SNAPC3: variants seen among roughly 807,000 people sequenced by gnomAD.
SNAPC3 encodes the protein small nuclear RNA activating complex polypeptide 3, also known as snRNA-activating protein complex subunit 3.
A neutral mutation model predicts 47.7 loss-of-function variants in SNAPC3; 56 were observed. That is an observed-to-expected ratio of 1.18 (90% confidence interval 0.95 to 1.47). SNAPC3 has a LOEUF of 1.47. Ranked by LOEUF, SNAPC3 falls within the 40% of genes most tolerant of loss-of-function variation. The probability of loss-of-function intolerance (pLI) is 0.00; values close to 1 mark genes in which losing one functional copy is unlikely to be tolerated. For synonymous variants in SNAPC3, 235 were observed against 189.9 expected, an observed-to-expected ratio of 1.24 and a Z score of -1.95; for missense variants, 665 against 511.3, an observed-to-expected ratio of 1.30 and a Z score of -2.90.
At position 15,457,935 on chromosome 9, in the gene SNAPC3, A is replaced by C. The variant is rs188242190; in HGVS notation, c.981-25A>C. ...GTCACTTAATATTTGTCACCTTAAT[A>C]TCTTTATTTTCCCACGAACAAAAGG... On this transcript the variant is annotated intron_variant, in intron 7 of 8. Transcript: ENST00000380821. 108 of 1,381,320 alleles carry C rather than the reference A, an allele frequency of 7.8e-5. No homozygotes were observed. In the East Asian group the frequency reaches 1.3e-3, roughly 16 times the overall value. 85.6% of individuals were successfully genotyped at this position (1,381,320 alleles called of 1,614,324 possible). A position where few individuals can be genotyped will look rare whatever the true frequency, so the allele number is the denominator to read the frequency against.
At chr9:15,458,592 AG>A (rs1389033758) in intron 8 of SNAPC3, among the ~76,000 whole-genome samples, 7 of 152,184 alleles carry the variant, frequency 4.6e-5, no homozygotes, top group African/African-American at 1.7e-4. Context: ...GTTAAAATAT[AG>A]TTTTATAAAA....
At position 15,435,728 on chromosome 9, in the gene SNAPC3, T is replaced by TAA. The variant is rs566806035; in HGVS notation, c.477+2107_477+2108dup. Among the ~76,000 whole-genome samples the TAA allele has an allele frequency of 1.4e-3, 179 of 123,638 alleles. 1 individual carries two copies. Among genetic ancestry groups the TAA allele is most frequent in the African/African-American group, 4.8e-3 (166 of 34,390 alleles). 81.1% of individuals were successfully genotyped at this position (123,638 alleles called of 152,430 possible). A position where few individuals can be genotyped will look rare whatever the true frequency, so the allele number is the denominator to read the frequency against. ...TGGGCAACAGGAGTGAAACTCTGTC[T>TAA]AAAAAAAAAAAAAAAAGAGTTCTTT... On this transcript the variant is annotated intron_variant, in intron 3 of 8. Coordinates refer to ENST00000380821, the MANE Select transcript of SNAPC3 (RefSeq NM_001039697.2).
intron 3 of SNAPC3, 76 bp downstream of exon 3, chr9:15,433,712 C>A: frequency 1.1e-6 from 1 of 904,508 alleles, no homozygotes; most frequent in Non-Finnish European, 1.8e-6. Flanking sequence ...TTAGTAATGA[C>A]AGTATGGTAG....
intron 1 of SNAPC3, among the ~76,000 whole-genome samples, 163 bp downstream of exon 1, chr9:15,423,356 ACCAGGAGAAGTCCTGGGACC>A (rs750149295): frequency 3.9e-5 from 6 of 152,216 alleles, no homozygotes; most frequent in Non-Finnish European, 7.3e-5. Flanking sequence ...TTCCTGGGAC[ACCAGGAGAAGTCCTGGGACC>A]CGAATGCACA....
chr9:15,452,871 C>T (rs758277850), intron 6 of SNAPC3, among the ~76,000 whole-genome samples, 170 bp from the exon 7 acceptor site: 22 of 152,176 alleles, frequency 1.4e-4, no homozygotes, highest in Admixed American at 8.5e-4. Context: ...GAAAATTCAG[C>T]GTTCCTAATC....
chr9:15,453,252 T>C, intron 7 of SNAPC3, 47 bp downstream of exon 7: 1 of 1,432,908 alleles, frequency 7.0e-7, no homozygotes, highest in Non-Finnish European at 9.6e-7. Flanking sequence ...TTTTTCTTTA[T>C]TTCAGAGTAC....
intron 2 of SNAPC3, among the ~76,000 whole-genome samples, chr9:15,425,747 A>G (rs771862939): frequency 7.2e-5 from 11 of 152,212 alleles, no homozygotes; most frequent in Non-Finnish European, 1.6e-4. Flanking sequence ...GTATTTGTCT[A>G]AAATGCACAT....
At chr9:15,465,622 C>A (rs373898914), downstream of SNAPC3, 21 of 1,467,984 alleles carry the variant, frequency 1.4e-5, no homozygotes, top group African/African-American at 2.7e-4. Flanking sequence ...TTAGGATTTT[C>A]TCCTGATGAA....
At chr9:15,433,399 G>A (rs1312397640) in intron 2 of SNAPC3, among the ~76,000 whole-genome samples, 153 bp from the exon 3 acceptor site, 2 of 152,130 alleles carry the variant, frequency 1.3e-5, no homozygotes, top group African/African-American at 4.8e-5. Context: ...TTGACATAAG[G>A]GAAGCTGAAC....
At chr9:15,463,709 T>C (rs1332668481), downstream of SNAPC3, 2 of 152,116 alleles carry the variant, frequency 1.3e-5, no homozygotes, top group African/African-American at 4.8e-5. Context: ...TTGAGAGTTA[T>C]GATTAAAGAA....
chr9:15,437,665 A>G (rs1268771557), intron 3 of SNAPC3, among the ~76,000 whole-genome samples: 1 of 133,152 alleles, frequency 7.5e-6, no homozygotes, highest in Non-Finnish European at 1.6e-5. Context: ...AGTGTGGTGT[A>G]TTATATTGAT....
At chr9:15,455,961 G>A (rs779009549) in intron 7 of SNAPC3, among the ~76,000 whole-genome samples, 1 of 151,924 alleles carries the variant, frequency 6.6e-6, no homozygotes, top group Non-Finnish European at 1.5e-5. Context: ...CACAACCTCT[G>A]CCTCCCAGGT....
chr9:15,450,325 G>C (rs1200071877), intron 5 of SNAPC3, among the ~76,000 whole-genome samples: 2 of 151,320 alleles, frequency 1.3e-5, no homozygotes, highest in Non-Finnish European at 2.9e-5. Context: ...CTGTAAGTGG[G>C]GGAATGAAGA....
In SNAPC3 at chr9:15,422,914, G is replaced by C. The variant is rs761150557; in HGVS notation, c.35G>C (p.Ser12Thr). The change falls in exon 1 of 9, where the codon AGC (serine) becomes ACC (threonine). Residue 12 changes from serine to threonine, a missense_variant. Coordinates refer to ENST00000380821, the MANE Select transcript of SNAPC3 (RefSeq NM_001039697.2). ...AEGSRGGPTC[S>T]GVGGRQDPVS... ...GGAAGCCGAGGTGGCCCTACGTGTA[G>C]CGGGGTGGGTGGCAGGCAGGACCCA... 2.6e-6 allele frequency: 4 copies of C among 1,536,712 alleles called. No individual in the cohort carries two copies. The highest frequency in any genetic ancestry group is 3.5e-6 in the Non-Finnish European group (4 of 1,142,482).
rs574435885 is a variant in SNAPC3 at position 15,433,572 on chromosome 9, A to G, written c.413A>G (p.Glu138Gly). The G allele has an allele frequency of 5.6e-6, 9 of 1,607,214 alleles. No homozygotes were observed. The highest frequency in any genetic ancestry group is 7.7e-6 in the Non-Finnish European group (9 of 1,176,236). Residue 138 changes from glutamate to glycine, a missense_variant, in exon 3 of 9, where the codon GAA becomes GGA. Transcript: ENST00000380821. Reference protein sequence around the residue: ...VTLGVRKRFLEHREETITIDR... With the variant: ...VTLGVRKRFLGHREETITIDR... The stretch of plus-strand genomic sequence containing the variant: ...AACAGGGTTAGAAAAAGGTTCTTGG[A>G]ACATCGGGAAGAAACCATTACAATA...
chr9:15,456,904 AG>A (rs2034840774), intron 7 of SNAPC3, among the ~76,000 whole-genome samples: 1 of 152,192 alleles, frequency 6.6e-6, no homozygotes, highest in Non-Finnish European at 1.5e-5. Flanking sequence ...AACTATCAAA[AG>A]GTTAATTATT....
At chr9:15,463,744 A>AT, downstream of SNAPC3, 1 of 152,296 alleles carries the variant, frequency 6.6e-6, no homozygotes, top group Non-Finnish European at 1.5e-5. Context: ...TGAAGCGAAC[A>AT]TACATCAACT....
At chr9:15,465,530 A>C, downstream of SNAPC3, 1 of 1,568,730 alleles carries the variant, frequency 6.4e-7, no homozygotes, top group Non-Finnish European at 8.7e-7. Flanking sequence ...CTAGTTATCT[A>C]GTGTAGAATC....
chr9:15,423,069 A>AGGGAGCCGCCGGCATCCGCTCTGCCT lies in SNAPC3; in HGVS notation c.198_223dup (p.Gln75ArgfsTer35). ...GCGCGGGGCCGGGGACTTGTCGCTG[A>AGGGAGCCGCCGGCATCCGCTCTGCCT]GGGAGCCGCCGGCATCCGCTCTGCC... On this transcript the variant is annotated frameshift_variant, in exon 1 of 9. Transcript: ENST00000380821. LOFTEE classifies it high-confidence loss of function. 6.6e-7 allele frequency: 1 copy of AGGGAGCCGCCGGCATCCGCTCTGCCT among 1,516,392 alleles called. No individual in the cohort carries two copies. The highest frequency in any genetic ancestry group is 2.5e-5 in the East Asian group (1 of 39,244). The allele number at this position is 1,516,392 out of a possible 1,614,324, so 93.9% of individuals were successfully genotyped here.
Sources: allele counts gnomAD v4.1 joint callset (sites outside exome capture counted in the v4.1 genomes callset), GRCh38; gene constraint gnomAD v4.1.1; transcripts MANE v1.5; gene names NCBI Gene and HGNC (gene_info 2026-07-23, HGNC 2026-07-21).